POU2F2: variants seen among roughly 807,000 people sequenced by gnomAD.
POU2F2 encodes POU domain, class 2, transcription factor 2.
POU2F2 carries 14 observed loss-of-function variants against 63.5 expected under a neutral mutation model. The ratio of observed to expected loss-of-function variants is 0.22; its 90% CI spans 0.15 to 0.34. The LOEUF is 0.34. POU2F2 is among the 10% of genes least tolerant of loss of function. POU2F2 has a pLI of 1.00. For synonymous variants in POU2F2, 306 were observed against 348.6 expected, an observed-to-expected ratio of 0.88 and a Z score of 1.36; for missense variants, 607 against 815.2, an observed-to-expected ratio of 0.74 and a Z score of 3.11.
chr19:42,150,008 C>A (rs1024349524), intron 2 of POU2F2, among the ~76,000 whole-genome samples: 2 of 152,226 alleles, frequency 1.3e-5, no homozygotes, highest in African/African-American at 4.8e-5. Context: ...TAACCAGGGG[C>A]AGAGAGGCTG....
At chr19:42,126,076 T>C (rs890755169) in intron 1 of POU2F2, among the ~76,000 whole-genome samples, 6 of 152,166 alleles carry the variant, frequency 3.9e-5, no homozygotes, top group African/African-American at 2.4e-5. Flanking sequence ...TATTTGGAGA[T>C]AGGGTCTTTA....
chr19:42,161,711 C>T (rs946553229), intron 1 of POU2F2, among the ~76,000 whole-genome samples: 2 of 152,164 alleles, frequency 1.3e-5, no homozygotes, highest in Non-Finnish European at 2.9e-5. Context: ...GGTCTCCCCA[C>T]TTCCTCCTCC....
chr19:42,141,309 T>C (rs534132651), intron 2 of POU2F2, among the ~76,000 whole-genome samples: 1 of 152,174 alleles, frequency 6.6e-6, no homozygotes, highest in South Asian at 2.1e-4. Context: ...TCTATACAGG[T>C]GAACATAATG....
chr19:42,174,812 G>A (rs2146806714), intron 1 of POU2F2, among the ~76,000 whole-genome samples: 1 of 151,992 alleles, frequency 6.6e-6, no homozygotes, highest in Admixed American at 6.5e-5. Context: ...TTATATCCTG[G>A]GGGGTGGAAG....
At chr19:42,184,431 A>C (rs1247532342) in intron 1 of POU2F2, among the ~76,000 whole-genome samples, 3 of 152,042 alleles carry the variant, frequency 2.0e-5, no homozygotes, top group African/African-American at 4.8e-5. Context: ...CTCTGGACCT[A>C]TCCCCCAACC....
chr19:42,145,982 G>A (rs1428882022), intron 2 of POU2F2, among the ~76,000 whole-genome samples: 19 of 143,328 alleles, frequency 1.3e-4, no homozygotes, highest in Admixed American at 1.1e-3. Flanking sequence ...GCAATGAGCC[G>A]AGATCGCGCC....
upstream of POU2F2, among the ~76,000 whole-genome samples, chr19:42,135,024 G>A (rs1314058999): frequency 6.6e-6 from 1 of 151,888 alleles, no homozygotes; most frequent in Non-Finnish European, 1.5e-5. Flanking sequence ...TCTTCCTCTT[G>A]GCCACCCCTG....
intron 1 of POU2F2, among the ~76,000 whole-genome samples, chr19:42,122,997 G>A (rs528351733): frequency 2.6e-5 from 4 of 152,260 alleles, no homozygotes; most frequent in African/African-American, 4.8e-5. Context: ...ACCAGGTTTC[G>A]GGTGAGACAT....
At chr19:42,137,608 C>T (rs1229475483) in intron 2 of POU2F2, among the ~76,000 whole-genome samples, 1 of 151,956 alleles carries the variant, frequency 6.6e-6, no homozygotes, top group African/African-American at 2.4e-5. Flanking sequence ...CGTCTGTAGT[C>T]CCAGCTACTC....
intron 1 of POU2F2, among the ~76,000 whole-genome samples, chr19:42,186,384 T>TGAAGGA (rs1346750202): frequency 6.6e-6 from 1 of 152,032 alleles, no homozygotes; most frequent in African/African-American, 2.4e-5. Context: ...ATAGTCCTTC[T>TGAAGGA]GAAGGAGTCA....
intron 2 of POU2F2, among the ~76,000 whole-genome samples, chr19:42,150,790 A>G (rs138313110): frequency 3.3e-5 from 5 of 150,234 alleles, no homozygotes; most frequent in East Asian, 2.0e-4. Flanking sequence ...TGCACTCCCA[A>G]TGCCGCAGGC....
At chr19:42,104,204 A>G (rs2077250996) in intron 5 of POU2F2, among the ~76,000 whole-genome samples, 1 of 152,146 alleles carries the variant, frequency 6.6e-6, no homozygotes, top group African/African-American at 2.4e-5. Context: ...ACCAAATATA[A>G]AAATAGTGTG....
chr19:42,141,606 C>G (rs1231642181), intron 2 of POU2F2, among the ~76,000 whole-genome samples: 1 of 151,504 alleles, frequency 6.6e-6, no homozygotes, highest in African/African-American at 2.4e-5. Flanking sequence ...CTCAGCCTCC[C>G]GAGTAGCTGG....
At chr19:42,187,710 C>T (rs1297533305) in intron 1 of POU2F2, among the ~76,000 whole-genome samples, 3 of 143,234 alleles carry the variant, frequency 2.1e-5, no homozygotes, top group Non-Finnish European at 3.0e-5. Context: ...TGCAGTGAGC[C>T]GAGATCATGC....
At chr19:42,097,669 G>C (rs2076974387) in intron 7 of POU2F2, among the ~76,000 whole-genome samples, 1 of 152,038 alleles carries the variant, frequency 6.6e-6, no homozygotes, top group East Asian at 1.9e-4. Context: ...AATTAACCAA[G>C]CATGTGGGGC....
At chr19:42,106,003 CTT>C (rs1055005439) in intron 5 of POU2F2, among the ~76,000 whole-genome samples, 6 of 85,370 alleles carry the variant, frequency 7.0e-5, no homozygotes, top group East Asian at 2.9e-4. Context: ...TTTCTTTTTT[CTT>C]TCTTTCTTTC....
chr19:42,128,512 C>G (rs2033402939), intron 1 of POU2F2, among the ~76,000 whole-genome samples: 1 of 152,216 alleles, frequency 6.6e-6, no homozygotes. Flanking sequence ...TTTGTCTTTT[C>G]TCTTTCCACC....
At chr19:42,182,829 T>C (rs1014906601) in intron 1 of POU2F2, among the ~76,000 whole-genome samples, 1 of 152,002 alleles carries the variant, frequency 6.6e-6, no homozygotes, top group Non-Finnish European at 1.5e-5. Context: ...TGGAGAGACT[T>C]GCAGGCTCAG....
rs1274536675 is a variant in POU2F2, at chr19:42,153,898, A to C, written c.-9+6434T>G. On this transcript the variant is annotated intron_variant, in intron 2 of 6. Coordinates refer to the POU2F2 transcript ENST00000524801. The surrounding 1 kb of genome is among the most constrained non-coding windows in gnomAD (Gnocchi z 5.6). The stretch of plus-strand genomic sequence containing the variant: ...TATCACTACATCATCTCCAAATCCC[A>C]ATGTCAGGGCCTGCCTGCCTTCTTT... 6.6e-6 allele frequency among the ~76,000 whole-genome samples: 1 copy of C among 152,048 alleles called. No individual in the cohort carries two copies.
Sources: allele counts gnomAD v4.1 joint callset (sites outside exome capture counted in the v4.1 genomes callset), GRCh38; gene constraint gnomAD v4.1.1; non-coding constraint Gnocchi (gnomAD v3.1); transcripts MANE v1.5; gene names NCBI Gene and HGNC (gene_info 2026-07-23, HGNC 2026-07-21).